The following CLIP1 variants were observed in gnomAD, a reference collection of about 807,000 sequenced individuals.
CLIP1 encodes CAP-Gly domain containing linker protein 1.
CLIP1 carries 66 observed loss-of-function variants against 161.6 expected under a neutral mutation model. The ratio of observed to expected loss-of-function variants is 0.41; its 90% CI spans 0.33 to 0.50. The LOEUF (loss-of-function observed/expected upper bound fraction) is 0.50, where lower values mean the gene tolerates loss of function less well. CLIP1 is among the 20% of genes least tolerant of loss of function. CLIP1 has a pLI of 0.27. For missense variants in CLIP1, 1,376 were observed against 1,702.0 expected (o/e 0.81, Z 3.37); for synonymous variants, 598 against 626.2 (o/e 0.96, Z 0.67).
intron 3 of CLIP1, among the ~76,000 whole-genome samples, chr12:122,367,125 T>C (rs1007145720): frequency 1.3e-5 from 2 of 152,170 alleles, no homozygotes; most frequent in Non-Finnish European, 2.9e-5. Context: ...GTCATGACAA[T>C]TGCTTTTCCA....
intron 1 of CLIP1, among the ~76,000 whole-genome samples, chr12:122,390,267 CATATATATATACATATATAT>C (rs1383757688): frequency 2.8e-5 from 2 of 71,290 alleles, no homozygotes; most frequent in Non-Finnish European, 6.2e-5. Context: ...TATACACACA[CATATATATATACATATATAT>C]ATATATATAT....
intron 4 of CLIP1, among the ~76,000 whole-genome samples, chr12:122,362,800 A>T (rs1381691755): frequency 6.6e-6 from 1 of 151,944 alleles, no homozygotes; most frequent in African/African-American, 2.4e-5. Flanking sequence ...GGGAAAAAAA[A>T]AAAGTAAACA....
intron 1 of CLIP1, among the ~76,000 whole-genome samples, chr12:122,421,416 C>T (rs1385431706): frequency 6.6e-6 from 1 of 152,002 alleles, no homozygotes; most frequent in African/African-American, 2.4e-5. Context: ...TGACACAAAT[C>T]AAATAATAAG....
chr12:122,333,738 A>AG lies in CLIP1; in HGVS notation c.2710+288dup, dbSNP rs771572324. On this transcript the variant is annotated intron_variant, in intron 14 of 25. Transcript: ENST00000620786. ...GCACAGGCAGCAGCAGTGAGCCCCA[A>AG]GGGTCAGCTGTCAGGGTAGCTCAGA... Among the ~76,000 whole-genome samples the AG allele has an allele frequency of 2.6e-5, 4 of 152,318 alleles. No individual in the cohort carries two copies. In the East Asian group the frequency reaches 7.7e-4, roughly 29 times the overall value.
intron 1 of CLIP1, among the ~76,000 whole-genome samples, chr12:122,421,356 C>T (rs1593288010): frequency 1.3e-5 from 2 of 152,096 alleles, no homozygotes; most frequent in African/African-American, 2.4e-5. Flanking sequence ...CAAACACATT[C>T]CTGACTCTGG....
In CLIP1 at chr12:122,376,467, A is replaced by C. The variant is rs551315598; in HGVS notation, c.657+922T>G. Among the ~76,000 whole-genome samples the C allele has an allele frequency of 7.8e-4, 118 of 152,060 alleles. 1 individual carries two copies. Among genetic ancestry groups the C allele is most frequent in the Middle Eastern group, 3.4e-3 (1 of 294 alleles). The stretch of plus-strand genomic sequence containing the variant: ...AGGGAGCCATATAATATTAAGAAAA[A>C]AAATTTTTTTTTTCTTTGAGACAGA... On this transcript the variant is annotated intron_variant, in intron 3 of 25. Transcript: ENST00000620786.
chr12:122,280,693 C>T (rs1955612647), intron 21 of CLIP1: 1 of 152,148 alleles, frequency 6.6e-6, no homozygotes, highest in South Asian at 2.1e-4. Flanking sequence ...ACTACTTTTG[C>T]AACTCTTCTG....
chr12:122,387,553 T>TC (rs1268568078), intron 1 of CLIP1, among the ~76,000 whole-genome samples: 213 of 11,778 alleles, frequency 0.018, 2 homozygotes, highest in South Asian at 0.045. Flanking sequence ...TTTTCATATA[T>TC]ATATATATAT....
At chr12:122,381,807 C>A (rs1018496727) in intron 1 of CLIP1, among the ~76,000 whole-genome samples, 1 of 152,180 alleles carries the variant, frequency 6.6e-6, no homozygotes, top group Non-Finnish European at 1.5e-5. Flanking sequence ...AAAGACATGT[C>A]CCCCAGCACC....
intron 20 of CLIP1, among the ~76,000 whole-genome samples, chr12:122,304,498 T>C (rs1257777051): frequency 6.6e-6 from 1 of 152,158 alleles, no homozygotes; most frequent in Non-Finnish European, 1.5e-5. Flanking sequence ...GTAGCCAGAA[T>C]TACAGGCATG....
chr12:122,296,950 T>C (rs1343544910), intron 20 of CLIP1, among the ~76,000 whole-genome samples: 2 of 151,718 alleles, frequency 1.3e-5, no homozygotes, highest in Non-Finnish European at 2.9e-5. Context: ...CAAGAGTTAA[T>C]TGCTAATGAA....
At chr12:122,353,641 T>C (rs1420572113) in intron 7 of CLIP1, among the ~76,000 whole-genome samples, 1 of 152,046 alleles carries the variant, frequency 6.6e-6, no homozygotes, top group African/African-American at 2.4e-5. Context: ...GTTTTCTTTT[T>C]TTTTTTTGAG....
At chr12:122,409,357 C>G (rs189161097) in intron 1 of CLIP1, among the ~76,000 whole-genome samples, 1 of 151,616 alleles carries the variant, frequency 6.6e-6, no homozygotes, top group African/African-American at 2.4e-5. Context: ...AACTCCTGGC[C>G]TCAAGTGATC....
At chr12:122,410,220 G>A (rs889947310) in intron 1 of CLIP1, among the ~76,000 whole-genome samples, 10 of 151,840 alleles carry the variant, frequency 6.6e-5, no homozygotes, top group African/African-American at 9.7e-5. Flanking sequence ...CAGTTTCCTC[G>A]AGAGCAGGAC....
intron 3 of CLIP1, among the ~76,000 whole-genome samples, chr12:122,371,970 C>T (rs1485557139): frequency 6.6e-6 from 1 of 152,052 alleles, no homozygotes; most frequent in Non-Finnish European, 1.5e-5. Context: ...AAGTTTAGAA[C>T]TGGGAAACTG....
chr12:122,350,928 T>A, intron 9 of CLIP1, 183 bp downstream of exon 9: 1 of 448,828 alleles, frequency 2.2e-6, no homozygotes, highest in Non-Finnish European at 3.9e-6. Flanking sequence ...AGCTTAGTCA[T>A]TACATACAAT....
At chr12:122,382,672 T>G (rs1020872146) in intron 1 of CLIP1, among the ~76,000 whole-genome samples, 5 of 151,876 alleles carry the variant, frequency 3.3e-5, no homozygotes, top group Non-Finnish European at 5.9e-5. Flanking sequence ...TGCACTGCAC[T>G]CCACCCTAGG....
Position 122,288,535 on chromosome 12 carries a change from C to A in CLIP1, c.3601G>T (p.Glu1201Ter). 6.2e-7 allele frequency: 1 copy of A among 1,606,306 alleles called. No homozygotes were observed. The highest frequency in any genetic ancestry group is 8.5e-7 in the Non-Finnish European group (1 of 1,179,608). Residue 1201 changes from glutamate to a stop codon, truncating the protein, a stop_gained, in exon 21 of 26, where the codon GAA (glutamate) becomes TAA (stop). Coordinates refer to ENST00000620786, the MANE Select transcript of CLIP1 (RefSeq NM_001247997.2). LOFTEE classifies it high-confidence loss of function. Reference sequence around the variant, plus strand: ...TGATTATTGAGCACAGATCTTTCTTCTTCCAGCTAGGAAAAAAACACAAAA... The same window carrying A: ...TGATTATTGAGCACAGATCTTTCTTATTCCAGCTAGGAAAAAAACACAAAA... ...DEVTSHQKLE[E>*]ERSVLNNQLL...
intron 11 of CLIP1, among the ~76,000 whole-genome samples, chr12:122,337,858 AT>A (rs1448517446): frequency 6.6e-6 from 1 of 151,812 alleles, no homozygotes; most frequent in African/African-American, 2.4e-5. Context: ...TACTAAAAAT[AT>A]AAAAAATTAG....
Sources: allele counts gnomAD v4.1 joint callset (sites outside exome capture counted in the v4.1 genomes callset), GRCh38; gene constraint gnomAD v4.1.1; transcripts MANE v1.5; gene names NCBI Gene and HGNC (gene_info 2026-07-23, HGNC 2026-07-21).